Variants in BMPR2 observed in about 807,000 individuals in gnomAD.
The protein encoded by BMPR2 is bone morphogenetic protein receptor type 2, also known as bone morphogenetic protein receptor type-2.
A neutral mutation model predicts 100.8 loss-of-function variants in BMPR2; 29 were observed. The observed-to-expected ratio is 0.29, with a 90% CI of 0.21 to 0.39. BMPR2 has a LOEUF of 0.39. Ranked by LOEUF, BMPR2 falls within the 10% of genes least tolerant of loss-of-function variation. The probability of loss-of-function intolerance (pLI) is 1.00; values close to 1 mark genes in which losing one functional copy is unlikely to be tolerated. For synonymous variants in BMPR2, 382 were observed against 442.3 expected, an observed-to-expected ratio of 0.86 and a Z score of 1.71; for missense variants, 1,011 against 1,274.5, an observed-to-expected ratio of 0.79 and a Z score of 3.15.
chr2:202,386,507 C>A (rs1287311060), intron 1 of BMPR2, among the ~76,000 whole-genome samples: 4 of 152,072 alleles, frequency 2.6e-5, no homozygotes, highest in South Asian at 2.1e-4. Context: ...GCTTTACCTT[C>A]AAAATATATC....
chr2:202,387,745 T>A (rs1559021949), intron 1 of BMPR2, among the ~76,000 whole-genome samples: 1 of 152,234 alleles, frequency 6.6e-6, no homozygotes, highest in Non-Finnish European at 1.5e-5. Context: ...AGAGTGATGA[T>A]GACATATTTA....
chr2:202,502,787 AC>A (rs1489084258), intron 3 of BMPR2, among the ~76,000 whole-genome samples: 14 of 152,160 alleles, frequency 9.2e-5, no homozygotes, highest in African/African-American at 3.4e-4. Context: ...ACAAGATGCC[AC>A]CCAGCGTTTA....
At chr2:202,440,801 C>CGGGGAGACT (rs886146383) in intron 1 of BMPR2, among the ~76,000 whole-genome samples, 1 of 149,742 alleles carries the variant, frequency 6.7e-6, no homozygotes, top group East Asian at 1.9e-4. Context: ...CCGGGGAGAC[C>CGGGGAGACT]GGGGAGACTG....
At position 202,437,495 on chromosome 2, in the gene BMPR2, T is replaced by G. The variant is rs76805943; in HGVS notation, c.77-27314T>G. On this transcript the variant is annotated intron_variant, in intron 1 of 12. Transcript: ENST00000374580. Reference sequence around the variant, plus strand: ...TCTACATAGCATATAATTCACCCATTAAAATGCAGAATTCAGTGCTTTTTA... The same window carrying G: ...TCTACATAGCATATAATTCACCCATGAAAATGCAGAATTCAGTGCTTTTTA... Among the ~76,000 whole-genome samples, 331 of 150,784 alleles carry G rather than the reference T, an allele frequency of 2.2e-3. 14 individuals carry two copies. In the East Asian group the frequency reaches 0.048, roughly 22 times the overall value.
chr2:202,455,000 A>G (rs1263339726), intron 1 of BMPR2, among the ~76,000 whole-genome samples: 5 of 152,262 alleles, frequency 3.3e-5, no homozygotes, highest in African/African-American at 7.2e-5. Flanking sequence ...AGAGGAAGCA[A>G]GCTCTGCAGT....
At chr2:202,472,547 T>A (rs1404347302) in intron 3 of BMPR2, among the ~76,000 whole-genome samples, 2 of 152,136 alleles carry the variant, frequency 1.3e-5, no homozygotes, top group Non-Finnish European at 2.9e-5. Flanking sequence ...TAATCCCAGC[T>A]ACTTGGGAGG....
In BMPR2 at chr2:202,562,402, G is replaced by A. The variant is rs1182235052; in HGVS notation, c.*2456G>A. 3 of 152,448 alleles carry A rather than the reference G, an allele frequency of 2.0e-5. No homozygotes were observed. Among genetic ancestry groups the A allele is most frequent in the Non-Finnish European group, 4.4e-5 (3 of 67,984 alleles). 9.4% of individuals were successfully genotyped at this position (152,448 alleles called of 1,614,324 possible). ...AATTTCCTTTCACCAGTTTTTCTTAGTAAACTCCTGAAAAAGTAGGAAAGG... is the reference window on the plus strand; with the variant it reads ...AATTTCCTTTCACCAGTTTTTCTTAATAAACTCCTGAAAAAGTAGGAAAGG... On this transcript the variant is annotated 3_prime_UTR_variant, in exon 13 of 13. Transcript: ENST00000374580.
intron 1 of BMPR2, among the ~76,000 whole-genome samples, chr2:202,399,838 T>C (rs1490419657): frequency 6.6e-6 from 1 of 152,154 alleles, no homozygotes; most frequent in Non-Finnish European, 1.5e-5. Context: ...AGTGCTGGGC[T>C]TGATGGCCAA....
chr2:202,384,056 C>T (rs1690363901), intron 1 of BMPR2, among the ~76,000 whole-genome samples: 2 of 151,574 alleles, frequency 1.3e-5, no homozygotes, highest in African/African-American at 4.9e-5. Flanking sequence ...CCTATAATCC[C>T]AGCTACTTGG....
intron 1 of BMPR2, among the ~76,000 whole-genome samples, chr2:202,449,807 T>A (rs1022801133): frequency 6.6e-6 from 1 of 152,206 alleles, no homozygotes; most frequent in Admixed American, 6.5e-5. Flanking sequence ...TAATATATTA[T>A]AGCCTTGAGG....
At chr2:202,484,387 A>G (rs924157641) in intron 3 of BMPR2, among the ~76,000 whole-genome samples, 2 of 152,084 alleles carry the variant, frequency 1.3e-5, no homozygotes, top group African/African-American at 2.4e-5. Flanking sequence ...TTCCGAAAAA[A>G]AATAAGGCCG....
At chr2:202,473,706 G>A (rs1018292984) in intron 3 of BMPR2, among the ~76,000 whole-genome samples, 2 of 151,804 alleles carry the variant, frequency 1.3e-5, no homozygotes, top group African/African-American at 2.4e-5. Context: ...CACGAGAATC[G>A]CTTGAACCCA....
At chr2:202,408,333 T>C (rs1690945424) in intron 1 of BMPR2, among the ~76,000 whole-genome samples, 1 of 152,246 alleles carries the variant, frequency 6.6e-6, no homozygotes, top group South Asian at 2.1e-4. Flanking sequence ...AGAAACCATA[T>C]GTCTGTGGTT....
In BMPR2 at chr2:202,495,229, C is replaced by T. The variant is rs568343923; in HGVS notation, c.419-18490C>T. On this transcript the variant is annotated intron_variant, in intron 3 of 12. Transcript: ENST00000374580. The surrounding 1 kb of genome is among the most constrained non-coding windows in gnomAD (Gnocchi z 4.5). ...TTGGTGTACGGGAAGAGTCGGCTCACACCTGGGCTTGGAGAATGAGTGCAA... is the reference window on the plus strand; with the variant it reads ...TTGGTGTACGGGAAGAGTCGGCTCATACCTGGGCTTGGAGAATGAGTGCAA... Among the ~76,000 whole-genome samples, 2 of 152,342 alleles carry T rather than the reference C, an allele frequency of 1.3e-5. No homozygotes were observed. Among genetic ancestry groups the T allele is most frequent in the East Asian group, 1.9e-4 (1 of 5,186 alleles).
chr2:202,425,340 T>C (rs1010628178), intron 1 of BMPR2, among the ~76,000 whole-genome samples: 1 of 152,158 alleles, frequency 6.6e-6, no homozygotes, highest in African/African-American at 2.4e-5. Context: ...AAAAGGAAAG[T>C]AATGTACAGG....
chr2:202,454,755 A>G (rs1193661210), intron 1 of BMPR2, among the ~76,000 whole-genome samples: 3 of 152,222 alleles, frequency 2.0e-5, no homozygotes, highest in African/African-American at 7.2e-5. Context: ...TAAACTCTCT[A>G]GAGCTGCACT....
intron 1 of BMPR2, among the ~76,000 whole-genome samples, chr2:202,403,101 T>C (rs1690800252): frequency 6.6e-6 from 1 of 151,988 alleles, no homozygotes; most frequent in South Asian, 2.1e-4. Flanking sequence ...GTGCCGGGAT[T>C]ACAGGCATGA....
At chr2:202,397,855 T>A (rs1690684177) in intron 1 of BMPR2, among the ~76,000 whole-genome samples, 1 of 149,442 alleles carries the variant, frequency 6.7e-6, no homozygotes, top group Non-Finnish European at 1.5e-5. Context: ...GCATGGTGGC[T>A]CCCGCCTGTA....
chr2:202,414,718 A>G (rs1044672580), intron 1 of BMPR2, among the ~76,000 whole-genome samples: 2 of 152,144 alleles, frequency 1.3e-5, no homozygotes, highest in African/African-American at 4.8e-5. Flanking sequence ...ACCTAATCTC[A>G]GAGCAACACC....
Sources: gnomAD v4.1 joint callset for allele counts (sites outside exome capture counted in the v4.1 genomes callset) on GRCh38, gnomAD v4.1.1 for gene constraint, Gnocchi (gnomAD v3.1) non-coding constraint, MANE v1.5 for transcripts, NCBI Gene and HGNC (gene_info 2026-07-23, HGNC 2026-07-21) for gene names.